The following FKBP3 variants were observed in gnomAD, a reference collection of about 807,000 sequenced individuals.
FKBP3 encodes FKBP prolyl isomerase 3, also known as peptidyl-prolyl cis-trans isomerase FKBP3.
A neutral mutation model predicts 30.6 loss-of-function variants in FKBP3; 21 were observed. That is an observed-to-expected ratio of 0.69 (90% CI 0.49 to 0.99). The LOEUF (loss-of-function observed/expected upper bound fraction) is 0.99. FKBP3 is among the 50% of genes least tolerant of loss of function. The probability of loss-of-function intolerance (pLI) is 0.00; values close to 1 mark genes in which losing one functional copy is unlikely to be tolerated. For missense variants in FKBP3, 283 were observed against 261.6 expected (o/e 1.08, Z -0.56); for synonymous variants, 82 against 91.3 (o/e 0.90, Z 0.58).
intron 5 of FKBP3, 93 bp from the exon 6 acceptor site, chr14:45,118,218 A>C: frequency 1.4e-6 from 1 of 708,256 alleles, no homozygotes; most frequent in East Asian, 2.7e-5. Context: ...GTTAAAACAA[A>C]CACAGAATCT....
intron 1 of FKBP3, 124 bp downstream of exon 1, chr14:45,134,225 C>T (rs902644235): frequency 1.6e-5 from 13 of 834,094 alleles, no homozygotes; most frequent in Admixed American, 1.3e-4. Flanking sequence ...CTCCGGCCTT[C>T]CAGGCCACCG....
intron 3 of FKBP3, among the ~76,000 whole-genome samples, chr14:45,127,941 AG>A (rs1885135462): frequency 6.6e-6 from 1 of 152,186 alleles, no homozygotes; most frequent in Admixed American, 6.5e-5. Context: ...GACATGAGAA[AG>A]AAAAAGGGAC....
At chr14:45,129,065 A>T (rs549763286) in intron 3 of FKBP3, among the ~76,000 whole-genome samples, 1 of 152,268 alleles carries the variant, frequency 6.6e-6, no homozygotes, top group African/African-American at 2.4e-5. Context: ...ATAAACATCT[A>T]TAATTGTATA....
Position 45,131,619 on chromosome 14 carries a change from A to G in FKBP3, c.109-819T>C, listed in dbSNP as rs555550209. Among the ~76,000 whole-genome samples, 36 of 125,586 alleles carry G rather than the reference A, an allele frequency of 2.9e-4. No individual in the cohort carries two copies. The South Asian group carries it at 7.9e-3, about 27-fold the overall frequency. 82.4% of individuals were successfully genotyped at this position (125,586 alleles called of 152,430 possible). A position where few individuals can be genotyped will look rare whatever the true frequency, so the allele number is the denominator to read the frequency against. On this transcript the variant is annotated intron_variant, in intron 1 of 6. Transcript: ENST00000396062. ...ATTCCAGCCTAGGTGACAGAGCAAG[A>G]CTCTGTCTCAAAAAAAAAAAAAAAA...
rs548108455 is a variant in FKBP3 at position 45,130,829 on chromosome 14, A to G, written c.109-29T>C. The stretch of plus-strand genomic sequence containing the variant: ...TAAGGAAAAAAGCTGGGTAATCAAG[A>G]TAACTTCTCCCGAGTAAGAAGTGTC... On this transcript the variant is annotated intron_variant, in intron 1 of 6. Transcript: ENST00000396062. 143 of 1,354,090 alleles carry G rather than the reference A, an allele frequency of 1.1e-4. 3 individuals are homozygous for G. In the South Asian group the frequency reaches 1.7e-3, roughly 16 times the overall value. 83.9% of individuals were successfully genotyped at this position (1,354,090 alleles called of 1,614,324 possible). A position where few individuals can be genotyped will look rare whatever the true frequency, so the allele number is the denominator to read the frequency against.
chr14:45,120,169 T>C (rs1272223394), intron 5 of FKBP3, among the ~76,000 whole-genome samples: 1 of 152,236 alleles, frequency 6.6e-6, no homozygotes, highest in African/African-American at 2.4e-5. Flanking sequence ...TCTGATGTTC[T>C]GAGAATAACA....
Position 45,120,090 on chromosome 14 carries a change from G to T in FKBP3, c.522+797C>A, listed in dbSNP as rs1884950834. ...TCTGAACCATATCTTAGGACCTACT[G>T]ATTGTACAGAGAGTAATATATTGAA... On this transcript the variant is annotated intron_variant, in intron 5 of 6. Coordinates refer to ENST00000396062, the MANE Select transcript of FKBP3 (RefSeq NM_002013.4). Among the ~76,000 whole-genome samples the T allele has an allele frequency of 3.3e-5, 5 of 152,298 alleles. No homozygotes were observed. The South Asian group carries it at 1.0e-3, about 32-fold the overall frequency.
At chr14:45,116,468 G>GA (rs1236186147) in intron 6 of FKBP3, among the ~76,000 whole-genome samples, 11 of 151,760 alleles carry the variant, frequency 7.2e-5, no homozygotes, top group African/African-American at 2.7e-4. Flanking sequence ...TTCTAGCTGG[G>GA]GGGGGGTGGA....
intron 5 of FKBP3, among the ~76,000 whole-genome samples, chr14:45,118,344 TG>T (rs1258596419): frequency 7.2e-5 from 11 of 152,148 alleles, no homozygotes; most frequent in Non-Finnish European, 1.6e-4. Context: ...TTTTTTAATG[TG>T]AAAAGAACCT....
At chr14:45,134,188 C>G (rs943475217) in intron 1 of FKBP3, among the ~76,000 whole-genome samples, 161 bp downstream of exon 1, 1 of 152,216 alleles carries the variant, frequency 6.6e-6, no homozygotes, top group Non-Finnish European at 1.5e-5. Flanking sequence ...GAGGCGGGAG[C>G]GAGGCACCAA....
At chr14:45,130,674 G>C (rs745425735) in intron 2 of FKBP3, 25 bp downstream of exon 2, 61 of 1,334,422 alleles carry the variant, frequency 4.6e-5, no homozygotes, top group Admixed American at 6.5e-5. Context: ...GTGATGTTCT[G>C]CTAACAGAAT....
At position 45,130,731 on chromosome 14, in the gene FKBP3, C is replaced by T. The variant is rs1052545142; in HGVS notation, c.178G>A (p.Val60Ile). 1.2e-6 allele frequency: 2 copies of T among 1,609,278 alleles called. No homozygotes were observed. The highest frequency in any genetic ancestry group is 2.7e-5 in the African/African-American group (2 of 74,704). ...TCAAAAAGATGGTTATAGGCTGTAA[C>T]CAAGTGGTCCTTGTTAGCTGTCTTG... is the stretch of plus-strand genomic sequence containing the variant. The part of the protein sequence containing the change: ...VAKTANKDHL[V>I]TAYNHLFETK... Residue 60 changes from valine (V) to isoleucine (I), a missense_variant, in exon 2 of 7, where the codon GTT becomes ATT. Val to Ile is a conservative substitution (Grantham distance 29). Transcript: ENST00000396062.
At chr14:45,130,617 C>G in intron 2 of FKBP3, 82 bp downstream of exon 2, 1 of 807,960 alleles carries the variant, frequency 1.2e-6, no homozygotes, top group Admixed American at 2.9e-5. Flanking sequence ...ACACATTCAA[C>G]AAATCAATGC....
chr14:45,121,387 ACAGT>A, intron 4 of FKBP3, 94 bp downstream of exon 4: 6 of 927,490 alleles, frequency 6.5e-6, no homozygotes, highest in East Asian at 2.5e-5. Context: ...AAAGTAGGTG[ACAGT>A]CAGGAAAAAG....
At chr14:45,118,688 T>C (rs1884913075) in intron 5 of FKBP3, among the ~76,000 whole-genome samples, 1 of 152,036 alleles carries the variant, frequency 6.6e-6, no homozygotes, top group Admixed American at 6.6e-5. Flanking sequence ...ATGCCATACA[T>C]TATGAAAACC....
Position 45,123,207 on chromosome 14 carries a change from C to T in FKBP3, c.319-1587G>A, listed in dbSNP as rs1029886982. 2.6e-5 allele frequency among the ~76,000 whole-genome samples: 4 copies of T among 151,720 alleles called. 1 individual carries two copies. The highest frequency in any genetic ancestry group is 9.7e-5 in the African/African-American group (4 of 41,286). ...AAAAAAAAAAAAAAAAGTCTGATCT[C>T]CTTGCAAATAGTCTACCTCTTGGGC... On this transcript the variant is annotated intron_variant, in intron 3 of 6. Transcript: ENST00000396062.
At chr14:45,124,303 G>T (rs2139081832) in intron 3 of FKBP3, among the ~76,000 whole-genome samples, 1 of 152,230 alleles carries the variant, frequency 6.6e-6, no homozygotes, top group Non-Finnish European at 1.5e-5. Flanking sequence ...GGCCCAGAAG[G>T]GTTGATCACC....
intron 6 of FKBP3, among the ~76,000 whole-genome samples, chr14:45,116,990 G>A (rs948827953): frequency 1.5e-4 from 22 of 151,458 alleles, no homozygotes; most frequent in Admixed American, 2.0e-4. Flanking sequence ...CCCCCCCACC[G>A]AGACAGAGCC....
intron 2 of FKBP3, among the ~76,000 whole-genome samples, chr14:45,130,277 T>C (rs1022801616): frequency 2.0e-5 from 3 of 152,230 alleles, no homozygotes; most frequent in African/African-American, 7.2e-5. Context: ...AAATGTATTT[T>C]TGTAAAGCTC....
Sources: allele counts gnomAD v4.1 joint callset (sites outside exome capture counted in the v4.1 genomes callset), GRCh38; gene constraint gnomAD v4.1.1; transcripts MANE v1.5; gene names NCBI Gene and HGNC (gene_info 2026-07-23, HGNC 2026-07-21).